The following BMPR1B variants were observed in gnomAD, a reference collection of about 807,000 sequenced individuals.
BMPR1B encodes bone morphogenetic protein receptor type 1B.
A neutral mutation model predicts 59.1 loss-of-function variants in BMPR1B; 12 were observed. That is an observed-to-expected ratio of 0.20 (90% CI 0.13 to 0.33). BMPR1B has a LOEUF of 0.33. Among genes scored for constraint, BMPR1B ranks in the 10% least tolerant of loss-of-function variants. The pLI is 1.00. For missense variants in BMPR1B, 550 were observed against 610.9 expected, an observed-to-expected ratio of 0.90 and a Z score of 1.05; for synonymous variants, 237 against 207.3, an observed-to-expected ratio of 1.14 and a Z score of -1.23.
chr4:95,074,016 T>C (rs962686848), intron 3 of BMPR1B, among the ~76,000 whole-genome samples: 15 of 152,172 alleles, frequency 9.9e-5, no homozygotes, highest in African/African-American at 3.6e-4. Context: ...AAAGTGATTC[T>C]AGGTAGGAGT....
At chr4:94,768,119 A>T (rs1722035935) in intron 1 of BMPR1B, among the ~76,000 whole-genome samples, 2 of 152,128 alleles carry the variant, frequency 1.3e-5, no homozygotes, top group South Asian at 4.1e-4. Context: ...GAATATTTCA[A>T]GGCACATTAA....
rs147658482 is a variant in BMPR1B at position 94,884,622 on chromosome 4, C to T, written c.-113+8722C>T. On this transcript the variant is annotated intron_variant, in intron 2 of 12. Coordinates refer to ENST00000515059, the MANE Select transcript of BMPR1B (RefSeq NM_001203.3). Reference sequence around the variant, plus strand: ...ACCCTAGGGAGGTTCTTGAGTTTCTCATAACCTTATTTAGGTGTTAATAAA... The same window carrying T: ...ACCCTAGGGAGGTTCTTGAGTTTCTTATAACCTTATTTAGGTGTTAATAAA... Among the ~76,000 whole-genome samples, 542 of 152,260 alleles carry T rather than the reference C, an allele frequency of 3.6e-3. 4 individuals carry two copies. Among genetic ancestry groups the T allele is most frequent in the African/African-American group, 0.012 (511 of 41,560 alleles).
intron 1 of BMPR1B, among the ~76,000 whole-genome samples, chr4:94,839,229 A>G (rs1393148224): frequency 1.9e-4 from 25 of 129,022 alleles, no homozygotes; most frequent in Admixed American, 7.8e-4. Context: ...AAAAAAATGT[A>G]TATTCTGTTG....
intron 2 of BMPR1B, among the ~76,000 whole-genome samples, chr4:94,925,554 C>T (rs143145350): frequency 6.6e-6 from 1 of 152,236 alleles, no homozygotes; most frequent in East Asian, 1.9e-4. Flanking sequence ...CACAAACTCA[C>T]TATTTGTGAA....
chr4:94,770,427 A>G (rs1305848720), intron 1 of BMPR1B, among the ~76,000 whole-genome samples: 3 of 151,874 alleles, frequency 2.0e-5, no homozygotes, highest in African/African-American at 7.3e-5. Flanking sequence ...GCTCCTTTTC[A>G]TGATAACTAA....
In BMPR1B at chr4:95,115,729, A is replaced by G. The variant is rs758222007; in HGVS notation, c.291A>G (p.Thr97=). The G allele has an allele frequency of 6.2e-6, 10 of 1,613,782 alleles. No homozygotes were observed. Among genetic ancestry groups the G allele is most frequent in the Middle Eastern group, 1.7e-4 (1 of 6,058 alleles). The change falls in exon 6 of 13, where the codon ACA becomes ACG. Residue 97 remains threonine, a synonymous_variant. Transcript: ENST00000515059. ...AAAGAAGATCAATTGAATGCTGCAC[A>G]GAAAGGAACGAATGTAATAAAGACC... ...PHQRRSIECC[T]ERNECNKDLH...
intron 2 of BMPR1B, among the ~76,000 whole-genome samples, chr4:94,891,842 A>G (rs758309695): frequency 2.6e-5 from 4 of 152,048 alleles, no homozygotes; most frequent in African/African-American, 4.8e-5. Flanking sequence ...CTGTTTGTTT[A>G]TTCATTCATT....
chr4:95,036,898 C>T (rs531883419), intron 3 of BMPR1B, among the ~76,000 whole-genome samples: 2 of 152,010 alleles, frequency 1.3e-5, no homozygotes, highest in African/African-American at 4.8e-5. Flanking sequence ...CCTTAGACAC[C>T]CCAGTTTTGC....
chr4:95,003,140 T>C (rs898474889), intron 3 of BMPR1B, among the ~76,000 whole-genome samples: 16 of 152,194 alleles, frequency 1.1e-4, no homozygotes, highest in African/African-American at 3.9e-4. Flanking sequence ...CTAACCAATA[T>C]TTTCTCAATA....
intron 2 of BMPR1B, among the ~76,000 whole-genome samples, chr4:94,916,592 AC>A (rs1330410230): frequency 2.0e-4 from 31 of 152,330 alleles, no homozygotes; most frequent in African/African-American, 7.5e-4. Flanking sequence ...CTAACAACCT[AC>A]ACTCAGATGC....
intron 10 of BMPR1B, among the ~76,000 whole-genome samples, chr4:95,146,213 G>A (rs77291629): frequency 0.022 from 3,333 of 152,232 alleles, 107 homozygotes; most frequent in African/African-American, 0.075. Context: ...AGAGGAAGGG[G>A]AGGAGAGAGA....
At chr4:94,797,279 G>A (rs886603534) in intron 1 of BMPR1B, among the ~76,000 whole-genome samples, 9 of 152,132 alleles carry the variant, frequency 5.9e-5, no homozygotes, top group Admixed American at 2.6e-4. Flanking sequence ...GGGAATTCTG[G>A]GAGATAGAAT....
chr4:94,969,846 G>A (rs1331865001), intron 2 of BMPR1B, among the ~76,000 whole-genome samples: 1 of 151,982 alleles, frequency 6.6e-6, no homozygotes, highest in East Asian at 1.9e-4. Flanking sequence ...ATTTGTAGAT[G>A]GAAATATTCT....
chr4:94,803,985 T>A (rs1723508653), intron 1 of BMPR1B, among the ~76,000 whole-genome samples: 1 of 152,144 alleles, frequency 6.6e-6, no homozygotes, highest in African/African-American at 2.4e-5. Flanking sequence ...TTCACACCAT[T>A]CTCCTGCCTC....
At chr4:94,760,184 A>C (rs1290136264) in intron 1 of BMPR1B, among the ~76,000 whole-genome samples, 1 of 152,156 alleles carries the variant, frequency 6.6e-6, no homozygotes, top group Non-Finnish European at 1.5e-5. Flanking sequence ...GTGAATCATC[A>C]CTATTTATAG....
intron 1 of BMPR1B, among the ~76,000 whole-genome samples, chr4:94,849,162 A>G (rs866244298): frequency 2.0e-5 from 3 of 152,190 alleles, no homozygotes; most frequent in Admixed American, 1.3e-4. Context: ...GAGCACTCCA[A>G]GGTTTGGAAG....
At chr4:94,845,822 T>A (rs1725302375) in intron 1 of BMPR1B, among the ~76,000 whole-genome samples, 1 of 152,208 alleles carries the variant, frequency 6.6e-6, no homozygotes, top group Non-Finnish European at 1.5e-5. Context: ...AGTCTATTTA[T>A]ATGTATCCTT....
chr4:94,946,168 A>G (rs1467131894), intron 2 of BMPR1B, among the ~76,000 whole-genome samples: 1 of 152,194 alleles, frequency 6.6e-6, no homozygotes, highest in Non-Finnish European at 1.5e-5. Context: ...GTTAGTGAGT[A>G]TATTTGTGTT....
intron 2 of BMPR1B, among the ~76,000 whole-genome samples, chr4:94,898,387 C>G (rs1186090171): frequency 6.6e-6 from 1 of 152,024 alleles, no homozygotes; most frequent in Non-Finnish European, 1.5e-5. Context: ...TTGTAGTTCC[C>G]ATAATCGTCA....
Sources: gnomAD v4.1 joint callset for allele counts (sites outside exome capture counted in the v4.1 genomes callset) on GRCh38, gnomAD v4.1.1 for gene constraint, MANE v1.5 for transcripts, NCBI Gene and HGNC (gene_info 2026-07-23, HGNC 2026-07-21) for gene names.